ST6GALNAC5: variants seen among roughly 807,000 people sequenced by gnomAD.
ST6GALNAC5 encodes the protein ST6 N-acetylgalactosaminide alpha-2,6-sialyltransferase 5, also known as alpha-N-acetylgalactosaminide alpha-2,6-sialyltransferase 5.
A neutral mutation model predicts 33.6 loss-of-function variants in ST6GALNAC5; 27 were observed. The ratio of observed to expected loss-of-function variants is 0.80; its 90% CI spans 0.59 to 1.11. The LOEUF (loss-of-function observed/expected upper bound fraction) is 1.11. Among genes scored for constraint, ST6GALNAC5 ranks in the 50% least tolerant of loss-of-function variants. The pLI, the probability that ST6GALNAC5 is intolerant of heterozygous loss-of-function variation, is 0.00. For synonymous variants in ST6GALNAC5, 194 were observed against 171.2 expected (o/e 1.13, Z -1.04); for missense variants, 428 against 454.0 (o/e 0.94, Z 0.52).
intron 2 of ST6GALNAC5, among the ~76,000 whole-genome samples, chr1:76,969,273 A>C (rs947864103): frequency 6.6e-6 from 1 of 152,196 alleles, no homozygotes; most frequent in Non-Finnish European, 1.5e-5. Flanking sequence ...AACCAAGGGA[A>C]TCCGTACCTT....
At chr1:76,969,937 C>T (rs1648673658) in intron 2 of ST6GALNAC5, among the ~76,000 whole-genome samples, 1 of 152,048 alleles carries the variant, frequency 6.6e-6, no homozygotes, top group South Asian at 2.1e-4. Context: ...CAGCAAACTC[C>T]AACTGACCTG....
chr1:76,889,460 G>A (rs1653967903), intron 2 of ST6GALNAC5, among the ~76,000 whole-genome samples: 1 of 151,918 alleles, frequency 6.6e-6, no homozygotes, highest in Non-Finnish European at 1.5e-5. Context: ...TCTGTTGATG[G>A]TAAATACAGT....
intron 2 of ST6GALNAC5, among the ~76,000 whole-genome samples, chr1:76,965,420 T>C (rs1648427026): frequency 6.6e-6 from 1 of 152,204 alleles, no homozygotes; most frequent in South Asian, 2.1e-4. Flanking sequence ...TTTTGAGAAG[T>C]GTCTGTTCAT....
At chr1:77,009,608 A>T (rs1427960149) in intron 2 of ST6GALNAC5, among the ~76,000 whole-genome samples, 3 of 152,078 alleles carry the variant, frequency 2.0e-5, no homozygotes, top group Admixed American at 2.0e-4. Context: ...GAAAAATCCC[A>T]TCTTCCTGTC....
Position 77,065,268 on chromosome 1 carries a change from G to C in ST6GALNAC5, c.*2062G>C, listed in dbSNP as rs1423493839. The C allele has an allele frequency of 6.6e-6, 1 of 152,092 alleles. No individual in the cohort carries two copies. The highest frequency in any genetic ancestry group is 2.4e-5 in the African/African-American group (1 of 41,410). 9.4% of individuals were successfully genotyped at this position (152,092 alleles called of 1,614,324 possible). On this transcript the variant is annotated 3_prime_UTR_variant, in exon 5 of 5. Transcript: ENST00000477717. ...TCTATATTTGTGGAAATTTGGAAAG[G>C]CATAGTTTCAACATGCAAGAATGTA...
chr1:76,995,917 C>G (rs1330120083), intron 2 of ST6GALNAC5, among the ~76,000 whole-genome samples: 1 of 152,160 alleles, frequency 6.6e-6, no homozygotes, highest in African/African-American at 2.4e-5. Flanking sequence ...GAGATGAAAA[C>G]ATTTTTATCA....
At chr1:76,893,861 A>G (rs1029991303) in intron 2 of ST6GALNAC5, among the ~76,000 whole-genome samples, 1 of 152,074 alleles carries the variant, frequency 6.6e-6, no homozygotes, top group African/African-American at 2.4e-5. Context: ...GGGTTTCACC[A>G]TATTGGTCAG....
At chr1:76,997,920 T>C (rs988997268) in intron 2 of ST6GALNAC5, among the ~76,000 whole-genome samples, 1 of 152,252 alleles carries the variant, frequency 6.6e-6, no homozygotes, top group Non-Finnish European at 1.5e-5. Flanking sequence ...GTGGAGATAA[T>C]TGAATCATGG....
chr1:76,956,099 G>A (rs1647952991), intron 2 of ST6GALNAC5, among the ~76,000 whole-genome samples: 1 of 152,060 alleles, frequency 6.6e-6, no homozygotes. Context: ...ACTAAAAAAG[G>A]GAAAATAAAA....
rs554803184 is a variant in ST6GALNAC5, at chr1:77,001,002, A to G, written c.262-43202A>G. On this transcript the variant is annotated intron_variant, in intron 2 of 4. Transcript: ENST00000477717. ...TCTTTTTTGGTTCCATATGAACTTT[A>G]AAGTAGTTTTTTCCAATTCTGTGAA... 1.5e-3 allele frequency among the ~76,000 whole-genome samples: 230 copies of G among 151,560 alleles called. 1 individual carries two copies. The highest frequency in any genetic ancestry group is 3.0e-3 in the Admixed American group (46 of 15,224).
chr1:76,908,338 T>C (rs1646882904), intron 2 of ST6GALNAC5, among the ~76,000 whole-genome samples: 1 of 152,080 alleles, frequency 6.6e-6, no homozygotes, highest in African/African-American at 2.4e-5. Flanking sequence ...TGTCCTCACA[T>C]AGTGGAAGGG....
chr1:76,991,157 G>A (rs1442075055), intron 2 of ST6GALNAC5, among the ~76,000 whole-genome samples: 2 of 152,158 alleles, frequency 1.3e-5, no homozygotes, highest in East Asian at 1.9e-4. Context: ...TGGATATGGA[G>A]GGGCAGAAAG....
At chr1:77,056,104 C>A (rs1461729084) in intron 4 of ST6GALNAC5, among the ~76,000 whole-genome samples, 1 of 152,292 alleles carries the variant, frequency 6.6e-6, no homozygotes, top group Non-Finnish European at 1.5e-5. Context: ...TATCACCAGA[C>A]TTCAGGCACA....
intron 2 of ST6GALNAC5, among the ~76,000 whole-genome samples, chr1:76,979,430 A>G (rs1004882193): frequency 2.6e-5 from 4 of 152,218 alleles, no homozygotes; most frequent in East Asian, 3.8e-4. Context: ...AAAAACAGAC[A>G]TATAGAATAA....
At chr1:76,982,409 T>C (rs968420196) in intron 2 of ST6GALNAC5, among the ~76,000 whole-genome samples, 11 of 152,160 alleles carry the variant, frequency 7.2e-5, no homozygotes, top group Non-Finnish European at 1.6e-4. Context: ...GAAGAAAGGG[T>C]ATCAGTAACT....
intron 2 of ST6GALNAC5, among the ~76,000 whole-genome samples, chr1:76,907,928 C>A (rs778435372): frequency 1.3e-5 from 2 of 152,124 alleles, no homozygotes; most frequent in Non-Finnish European, 2.9e-5. Context: ...TAATTTGGTG[C>A]ATTATATTTA....
intron 4 of ST6GALNAC5, among the ~76,000 whole-genome samples, chr1:77,060,678 A>C (rs1652546053): frequency 6.6e-6 from 1 of 152,194 alleles, no homozygotes; most frequent in African/African-American, 2.4e-5. Context: ...TAGGGGATCA[A>C]TATGGAGTCA....
chr1:76,979,678 G>A (rs181233762), intron 2 of ST6GALNAC5, among the ~76,000 whole-genome samples: 40 of 152,292 alleles, frequency 2.6e-4, no homozygotes, highest in Non-Finnish European at 4.4e-4. Context: ...TGTAATTCCA[G>A]CATTTTGGGA....
intron 2 of ST6GALNAC5, among the ~76,000 whole-genome samples, chr1:76,934,560 C>T (rs953339376): frequency 6.6e-6 from 1 of 151,968 alleles, no homozygotes; most frequent in South Asian, 2.1e-4. Flanking sequence ...ATAAAATCCC[C>T]GTTTTTGGTT....
Sources: allele counts gnomAD v4.1 joint callset (sites outside exome capture counted in the v4.1 genomes callset), GRCh38; gene constraint gnomAD v4.1.1; transcripts MANE v1.5; gene names NCBI Gene and HGNC (gene_info 2026-07-23, HGNC 2026-07-21).